The following HS3ST4 variants were observed in gnomAD, a reference collection of about 807,000 sequenced individuals.
HS3ST4 encodes heparan sulfate-glucosamine 3-sulfotransferase 4.
In HS3ST4, 17 loss-of-function variants were observed where a neutral mutation model predicts 29.2. That is an observed-to-expected ratio of 0.58 (90% confidence interval 0.40 to 0.87). The LOEUF (loss-of-function observed/expected upper bound fraction) is 0.87, where lower values mean the gene tolerates loss of function less well. Ranked by LOEUF, HS3ST4 falls within the 40% of genes least tolerant of loss-of-function variation. HS3ST4 has a pLI of 0.00. For missense variants in HS3ST4, 627 were observed against 634.5 expected, an observed-to-expected ratio of 0.99 and a Z score of 0.13; for synonymous variants, 314 against 285.7, an observed-to-expected ratio of 1.10 and a Z score of -1.00.
At chr16:26,052,286 C>T (rs1232738722) in intron 1 of HS3ST4, among the ~76,000 whole-genome samples, 3 of 152,152 alleles carry the variant, frequency 2.0e-5, no homozygotes, top group Admixed American at 2.0e-4. Flanking sequence ...TTGAATCTAG[C>T]ATGAAAATGG....
intron 1 of HS3ST4, among the ~76,000 whole-genome samples, chr16:25,717,380 T>C (rs1406947037): frequency 1.3e-5 from 2 of 151,970 alleles, no homozygotes. Flanking sequence ...CCCAGTACTG[T>C]AAGATAATAT....
At chr16:25,787,116 A>G (rs1403746965) in intron 1 of HS3ST4, among the ~76,000 whole-genome samples, 1 of 152,246 alleles carries the variant, frequency 6.6e-6, no homozygotes, top group Non-Finnish European at 1.5e-5. Flanking sequence ...CCTTCTAGAG[A>G]TTGCTTAGGT....
At chr16:25,807,234 A>T (rs1387430136) in intron 1 of HS3ST4, among the ~76,000 whole-genome samples, 1 of 152,120 alleles carries the variant, frequency 6.6e-6, no homozygotes, top group Admixed American at 6.5e-5. Context: ...TTGGCCTTCC[A>T]AAGTGCTGGG....
At chr16:26,114,745 G>A (rs1160815745) in intron 1 of HS3ST4, among the ~76,000 whole-genome samples, 2 of 152,068 alleles carry the variant, frequency 1.3e-5, no homozygotes, top group African/African-American at 4.8e-5. Context: ...GCTGGTGAAG[G>A]GATGTGGTAC....
At chr16:26,031,790 G>A (rs1410712451) in intron 1 of HS3ST4, among the ~76,000 whole-genome samples, 2 of 151,672 alleles carry the variant, frequency 1.3e-5, no homozygotes, top group Non-Finnish European at 2.9e-5. Context: ...GGCAGGACAT[G>A]GGCAGACAAT....
At position 25,795,943 on chromosome 16, in the gene HS3ST4, TC is replaced by T. The variant is rs919132900; in HGVS notation, c.734+102793del. On this transcript the variant is annotated intron_variant, in intron 1 of 1. Coordinates refer to ENST00000331351, the MANE Select transcript of HS3ST4 (RefSeq NM_006040.3). Reference sequence around the variant, plus strand: ...TTCATCACTGTGAGACTGTCAAAACTCTTTTTTTTTTAATCCCTTTTAGTTT... The same window carrying T: ...TTCATCACTGTGAGACTGTCAAAACTTTTTTTTTTTAATCCCTTTTAGTTT... Among the ~76,000 whole-genome samples the T allele has an allele frequency of 3.3e-4, 48 of 146,790 alleles. 1 individual carries two copies. The highest frequency in any genetic ancestry group is 1.3e-3 in the African/African-American group (47 of 36,630).
chr16:26,049,698 T>A (rs1465382321), intron 1 of HS3ST4, among the ~76,000 whole-genome samples: 3 of 152,094 alleles, frequency 2.0e-5, no homozygotes, highest in Non-Finnish European at 2.9e-5. Context: ...TAGCGTCAGA[T>A]TCCACAGCTT....
chr16:25,989,734 A>G (rs1386049534), intron 1 of HS3ST4, among the ~76,000 whole-genome samples: 1 of 152,212 alleles, frequency 6.6e-6, no homozygotes, highest in Non-Finnish European at 1.5e-5. Context: ...TTTCACACCC[A>G]AAGACCATAT....
chr16:26,020,790 C>T (rs1217612630), intron 1 of HS3ST4, among the ~76,000 whole-genome samples: 3 of 152,086 alleles, frequency 2.0e-5, no homozygotes, highest in East Asian at 3.9e-4. Context: ...TTAGGTGATC[C>T]GTGTGCAGGT....
At chr16:25,828,942 C>T (rs971829830) in intron 1 of HS3ST4, among the ~76,000 whole-genome samples, 6 of 152,258 alleles carry the variant, frequency 3.9e-5, no homozygotes, top group East Asian at 1.9e-4. Context: ...ATTTAATGCA[C>T]GTGAAAGTGC....
chr16:25,974,706 C>G (rs1424583984), intron 1 of HS3ST4, among the ~76,000 whole-genome samples: 1 of 152,122 alleles, frequency 6.6e-6, no homozygotes, highest in Non-Finnish European at 1.5e-5. Context: ...TTTTAATTTT[C>G]TTTGTATATT....
intron 1 of HS3ST4, among the ~76,000 whole-genome samples, chr16:26,069,505 A>G (rs1022536885): frequency 3.3e-5 from 5 of 152,254 alleles, no homozygotes; most frequent in Admixed American, 6.5e-5. Flanking sequence ...AACAAAGTCA[A>G]GTAATCGCGG....
rs115401710 is a variant in HS3ST4 at position 25,947,135 on chromosome 16, C to T, written c.735-188477C>T. Among the ~76,000 whole-genome samples, 333 of 152,132 alleles carry T rather than the reference C, an allele frequency of 2.2e-3. 1 individual carries two copies. Among genetic ancestry groups the T allele is most frequent in the African/African-American group, 7.8e-3 (324 of 41,498 alleles). On this transcript the variant is annotated intron_variant, in intron 1 of 1. Coordinates refer to ENST00000331351, the MANE Select transcript of HS3ST4 (RefSeq NM_006040.3). ...TATATTTTGAAAAGATGGCTCTGAT[C>T]GCAATGTGGAAAATCAAAGGCATTT... is the stretch of plus-strand genomic sequence containing the variant.
chr16:26,086,031 A>G (rs946130972), intron 1 of HS3ST4, among the ~76,000 whole-genome samples: 2 of 152,098 alleles, frequency 1.3e-5, no homozygotes, highest in African/African-American at 4.8e-5. Flanking sequence ...TGTCATCTGT[A>G]AAATGCAGTA....
rs546391403 is a variant in HS3ST4 at position 26,120,532 on chromosome 16, C to T, written c.735-15080C>T. Among the ~76,000 whole-genome samples, 10 of 152,318 alleles carry T rather than the reference C, an allele frequency of 6.6e-5. No homozygotes were observed. The South Asian group carries it at 2.1e-3, about 32-fold the overall frequency. On this transcript the variant is annotated intron_variant, in intron 1 of 1. Coordinates refer to ENST00000331351, the MANE Select transcript of HS3ST4 (RefSeq NM_006040.3). ...GGCTGAATTTACTCAGCAGAAAGCACAAGTTCCCTTCAACACTAAATTTCA... is the reference window on the plus strand; with the variant it reads ...GGCTGAATTTACTCAGCAGAAAGCATAAGTTCCCTTCAACACTAAATTTCA...
intron 1 of HS3ST4, among the ~76,000 whole-genome samples, chr16:26,044,011 T>C (rs1018884251): frequency 1.3e-5 from 2 of 152,222 alleles, no homozygotes; most frequent in African/African-American, 4.8e-5. Context: ...TTTTGCAGCA[T>C]AGGAAATTGA....
intron 1 of HS3ST4, among the ~76,000 whole-genome samples, chr16:25,924,985 C>T (rs1968388785): frequency 6.6e-6 from 1 of 151,960 alleles, no homozygotes; most frequent in African/African-American, 2.4e-5. Context: ...TAGGAATTTC[C>T]TGGAAGCATA....
chr16:25,695,913 A>G (rs1177770854), intron 1 of HS3ST4, among the ~76,000 whole-genome samples: 1 of 152,210 alleles, frequency 6.6e-6, no homozygotes, highest in African/African-American at 2.4e-5. Flanking sequence ...AGAGCCAAGA[A>G]GAAATTGGGG....
chr16:25,853,873 A>G (rs1362320556), intron 1 of HS3ST4, among the ~76,000 whole-genome samples: 1 of 152,148 alleles, frequency 6.6e-6, no homozygotes, highest in Non-Finnish European at 1.5e-5. Flanking sequence ...TCTTGTAAAA[A>G]TGAGTTTAGA....
Sources: gnomAD v4.1 joint callset for allele counts (sites outside exome capture counted in the v4.1 genomes callset) on GRCh38, gnomAD v4.1.1 for gene constraint, MANE v1.5 for transcripts, NCBI Gene and HGNC (gene_info 2026-07-23, HGNC 2026-07-21) for gene names.